ZNF385D: variants seen among roughly 807,000 people sequenced by gnomAD.
ZNF385D encodes zinc finger protein 385D, also known as zinc finger protein 659.
A neutral mutation model predicts 35.8 loss-of-function variants in ZNF385D; 15 were observed. The observed-to-expected ratio is 0.42, with a 90% CI of 0.28 to 0.64. The LOEUF is 0.64. Among genes scored for constraint, ZNF385D ranks in the 30% least tolerant of loss-of-function variants. The probability of loss-of-function intolerance (pLI) is 0.23; values close to 1 mark genes in which losing one functional copy is unlikely to be tolerated. For missense variants in ZNF385D, 474 were observed against 494.6 expected (o/e 0.96, Z 0.39); for synonymous variants, 212 against 186.8 (o/e 1.13, Z -1.10).
chr3:21,885,721 G>T (rs1412570108), intron 3 of ZNF385D, among the ~76,000 whole-genome samples: 1 of 139,070 alleles, frequency 7.2e-6, no homozygotes, highest in East Asian at 2.0e-4. Context: ...CATGGAAATA[G>T]AACAGGGTGT....
intron 3 of ZNF385D, among the ~76,000 whole-genome samples, chr3:21,803,164 G>C (rs541787285): frequency 6.6e-6 from 1 of 152,242 alleles, no homozygotes; most frequent in East Asian, 1.9e-4. Flanking sequence ...CTCTGTATCT[G>C]TCAGTAAAGC....
intron 3 of ZNF385D, among the ~76,000 whole-genome samples, chr3:21,770,433 T>C (rs573033611): frequency 5.1e-4 from 77 of 152,272 alleles, no homozygotes; most frequent in African/African-American, 1.8e-3. Context: ...GCAAAGTATA[T>C]GAACAGACAC....
intron 2 of ZNF385D, among the ~76,000 whole-genome samples, chr3:22,298,410 T>C (rs182290765): frequency 3.4e-4 from 49 of 144,040 alleles, no homozygotes; most frequent in African/African-American, 1.2e-3. Flanking sequence ...ATATGTAAAA[T>C]AAAAACATTT....
At chr3:22,281,782 TTCTC>T (rs1280833592) in intron 2 of ZNF385D, among the ~76,000 whole-genome samples, 1 of 152,120 alleles carries the variant, frequency 6.6e-6, no homozygotes, top group African/African-American at 2.4e-5. Context: ...GATTCCCTCT[TTCTC>T]TATCTTGTGG....
chr3:21,585,322 G>GAGTT (rs1161773369), intron 2 of ZNF385D, among the ~76,000 whole-genome samples: 10 of 152,074 alleles, frequency 6.6e-5, no homozygotes, highest in African/African-American at 2.4e-4. Flanking sequence ...CTCTTAGTGA[G>GAGTT]AGTTACTTTC....
chr3:21,898,857 G>C (rs891768721), intron 3 of ZNF385D, among the ~76,000 whole-genome samples: 24 of 152,202 alleles, frequency 1.6e-4, no homozygotes, highest in African/African-American at 5.5e-4. Context: ...AAATAAAGGA[G>C]ACATTTTTCC....
At chr3:21,634,275 A>AG (rs2065362924) in intron 2 of ZNF385D, among the ~76,000 whole-genome samples, 1 of 151,050 alleles carries the variant, frequency 6.6e-6, no homozygotes, top group Admixed American at 6.6e-5. Context: ...AAAGGAAGGA[A>AG]GGAAGAAAAG....
Position 22,234,484 on chromosome 3 carries a change from AT to A in ZNF385D, c.107-65450del, listed in dbSNP as rs573538138. Among the ~76,000 whole-genome samples, 60 of 150,272 alleles carry A rather than the reference AT, an allele frequency of 4.0e-4. No homozygotes were observed. In the East Asian group the frequency reaches 7.2e-3, roughly 18 times the overall value. On this transcript the variant is annotated intron_variant, in intron 2 of 5. Coordinates refer to the ZNF385D transcript ENST00000494108. ...TCAGCATTCCCTATTAATGCCCTAG[AT>A]TTTTTTTTTCGTTCCTGAACTTGTT...
intron 3 of ZNF385D, among the ~76,000 whole-genome samples, chr3:22,122,631 T>C (rs976595579): frequency 6.6e-6 from 1 of 152,134 alleles, no homozygotes; most frequent in Non-Finnish European, 1.5e-5. Flanking sequence ...AAGTGTCATA[T>C]AGGGTTTCTT....
intron 4 of ZNF385D, among the ~76,000 whole-genome samples, chr3:21,448,697 G>A (rs984478466): frequency 1.3e-5 from 2 of 152,126 alleles, no homozygotes; most frequent in African/African-American, 4.8e-5. Flanking sequence ...CTCTTCCCCA[G>A]CAAAGCTAAC....
At chr3:21,638,610 A>T (rs1026805329) in intron 2 of ZNF385D, among the ~76,000 whole-genome samples, 10 of 152,096 alleles carry the variant, frequency 6.6e-5, no homozygotes, top group South Asian at 4.1e-4. Flanking sequence ...CTAGAATCTC[A>T]TATCTTCTGC....
intron 3 of ZNF385D, among the ~76,000 whole-genome samples, chr3:22,100,719 A>T (rs1264913475): frequency 6.6e-6 from 1 of 151,440 alleles, no homozygotes; most frequent in South Asian, 2.1e-4. Context: ...GCAATGGGAG[A>T]TATACCTAAT....
intron 3 of ZNF385D, among the ~76,000 whole-genome samples, chr3:21,776,007 A>C (rs915927792): frequency 6.6e-6 from 1 of 151,722 alleles, no homozygotes. Context: ...TGTGATGTCC[A>C]TTTTTTACAT....
intron 3 of ZNF385D, among the ~76,000 whole-genome samples, chr3:21,525,474 G>A (rs1708164870): frequency 6.6e-6 from 1 of 151,930 alleles, no homozygotes; most frequent in African/African-American, 2.4e-5. Flanking sequence ...GATCACCTGA[G>A]GTCAGGAGTT....
chr3:21,669,073 G>C (rs1012450215), intron 1 of ZNF385D, among the ~76,000 whole-genome samples: 27 of 152,136 alleles, frequency 1.8e-4, no homozygotes, highest in Non-Finnish European at 4.0e-4. Context: ...AGCCTCCATG[G>C]AGTAGGGTCA....
At chr3:22,063,673 G>T (rs138344126) in intron 3 of ZNF385D, among the ~76,000 whole-genome samples, 2 of 152,140 alleles carry the variant, frequency 1.3e-5, no homozygotes, top group Non-Finnish European at 2.9e-5. Flanking sequence ...GGCATGCTGC[G>T]TGCTGATAGC....
At chr3:21,843,815 G>A (rs1329292754) in intron 3 of ZNF385D, among the ~76,000 whole-genome samples, 2 of 151,908 alleles carry the variant, frequency 1.3e-5, no homozygotes, top group Non-Finnish European at 2.9e-5. Flanking sequence ...GTCCCAGGTG[G>A]TAGCATGGTA....
intron 3 of ZNF385D, among the ~76,000 whole-genome samples, chr3:21,549,922 A>G (rs1430874616): frequency 6.6e-6 from 1 of 152,198 alleles, no homozygotes; most frequent in African/African-American, 2.4e-5. Context: ...TAATAGACAC[A>G]GTTTTGACAG....
intron 3 of ZNF385D, among the ~76,000 whole-genome samples, chr3:21,956,975 GT>G: frequency 6.6e-6 from 1 of 152,102 alleles, no homozygotes; most frequent in South Asian, 2.1e-4. Flanking sequence ...ATTCCGACGT[GT>G]TGTGGGAGGG....
Sources: allele counts gnomAD v4.1 joint callset (sites outside exome capture counted in the v4.1 genomes callset), GRCh38; gene constraint gnomAD v4.1.1; transcripts MANE v1.5; gene names NCBI Gene and HGNC (gene_info 2026-07-23, HGNC 2026-07-21).